The following ERICH6B variants were observed in gnomAD, a reference collection of about 807,000 sequenced individuals.
The protein encoded by ERICH6B is glutamate rich 6B.
In ERICH6B, 69 loss-of-function variants were observed where a neutral mutation model predicts 80.0. The ratio of observed to expected loss-of-function variants is 0.86; its 90% CI spans 0.71 to 1.05. The LOEUF (loss-of-function observed/expected upper bound fraction) is 1.05, where lower values mean the gene tolerates loss of function less well. Among genes scored for constraint, ERICH6B ranks in the 50% least tolerant of loss-of-function variants. The pLI is 0.00. For missense variants in ERICH6B, 754 were observed against 796.1 expected (o/e 0.95, Z 0.64); for synonymous variants, 283 against 291.9 (o/e 0.97, Z 0.31).
chr13:45,570,281 T>A (rs3014920), intron 8 of ERICH6B, among the ~76,000 whole-genome samples: 17,780 of 152,004 alleles, frequency 0.12, 3,071 homozygotes, highest in African/African-American at 0.37. Flanking sequence ...GCAAGGTTTG[T>A]GATGCATAAG....
Position 45,590,669 on chromosome 13 carries a change from G to A in ERICH6B, c.666C>T (p.Thr222=). ...GTTACCTTGCATCACGAAGAAGCAT[G>A]GTTTGTGATGAATAACTTGCCTTGG... ...KEPKASYSSQ[T]MLLRDARSPD... Residue 222 remains threonine, a synonymous_variant, in exon 4 of 15, where the codon ACC becomes ACT. Coordinates refer to ENST00000298738, the MANE Select transcript of ERICH6B (RefSeq NM_182542.3). The A allele has an allele frequency of 6.4e-7, 1 of 1,551,534 alleles. No homozygotes were observed. The highest frequency in any genetic ancestry group is 8.7e-7 in the Non-Finnish European group (1 of 1,146,940).
At chr13:45,580,866 T>C (rs1050335781) in intron 5 of ERICH6B, among the ~76,000 whole-genome samples, 3 of 152,250 alleles carry the variant, frequency 2.0e-5, no homozygotes, top group East Asian at 1.9e-4. Flanking sequence ...GGTAAATCAC[T>C]CTAGGATTGC....
chr13:45,564,626 C>T (rs367569162), intron 9 of ERICH6B, among the ~76,000 whole-genome samples: 93 of 152,288 alleles, frequency 6.1e-4, no homozygotes, highest in Non-Finnish European at 1.1e-3. Context: ...CTTATTCGTA[C>T]CCTAGAAGCA....
At chr13:45,581,643 C>T (rs939501780) in intron 5 of ERICH6B, among the ~76,000 whole-genome samples, 2 of 152,224 alleles carry the variant, frequency 1.3e-5, no homozygotes, top group Non-Finnish European at 2.9e-5. Flanking sequence ...TCCCAAAGTG[C>T]TGGGATTACA....
chr13:45,614,508 A>G lies in ERICH6B; in HGVS notation c.-111+1177T>C, dbSNP rs1296841895. ...ACCACAAATGAAATTTCTGGTTTGG[A>G]CTTTTCAGCCCCCATCACTTCACTT... On this transcript the variant is annotated intron_variant, in intron 1 of 14. Transcript: ENST00000298738. Among the ~76,000 whole-genome samples, 3 of 152,268 alleles carry G rather than the reference A, an allele frequency of 2.0e-5. No individual in the cohort carries two copies. The East Asian group carries it at 5.8e-4, about 29-fold the overall frequency.
At chr13:45,582,574 C>G (rs1348524958) in intron 5 of ERICH6B, among the ~76,000 whole-genome samples, 1 of 152,166 alleles carries the variant, frequency 6.6e-6, no homozygotes, top group African/African-American at 2.4e-5. Flanking sequence ...TTCAGGGCAT[C>G]TACAAATATA....
chr13:45,581,784 A>G (rs1488807390), intron 5 of ERICH6B, among the ~76,000 whole-genome samples: 2 of 152,206 alleles, frequency 1.3e-5, no homozygotes, highest in African/African-American at 4.8e-5. Flanking sequence ...CAGGGTACAA[A>G]AACAAAAACT....
chr13:45,549,494 A>G (rs929283772), intron 13 of ERICH6B, among the ~76,000 whole-genome samples: 2 of 152,210 alleles, frequency 1.3e-5, no homozygotes, highest in African/African-American at 2.4e-5. Flanking sequence ...AATATTTAGA[A>G]GTCACGTTTT....
chr13:45,558,959 G>A (rs910573201), intron 11 of ERICH6B, among the ~76,000 whole-genome samples: 1 of 152,174 alleles, frequency 6.6e-6, no homozygotes, highest in Admixed American at 6.5e-5. Flanking sequence ...AATGATTAAG[G>A]GAGGATTCCC....
intron 13 of ERICH6B, among the ~76,000 whole-genome samples, chr13:45,547,358 G>C (rs1874034227): frequency 1.3e-5 from 2 of 152,120 alleles, no homozygotes; most frequent in African/African-American, 2.4e-5. Flanking sequence ...CACTGAGATG[G>C]GCAGGCTGGT....
chr13:45,579,134 T>C (rs1875546879), intron 7 of ERICH6B, among the ~76,000 whole-genome samples: 1 of 152,234 alleles, frequency 6.6e-6, no homozygotes, highest in Non-Finnish European at 1.5e-5. Flanking sequence ...ACATTAAAGT[T>C]TGAACATCGT....
At chr13:45,578,599 T>C (rs1875522550) in intron 7 of ERICH6B, among the ~76,000 whole-genome samples, 1 of 152,236 alleles carries the variant, frequency 6.6e-6, no homozygotes, top group Admixed American at 6.5e-5. Flanking sequence ...AACTCAATCC[T>C]GTTTTTACCT....
chr13:45,562,079 C>T lies in ERICH6B; in HGVS notation c.1250-553G>A, dbSNP rs935999371. ...CACCAATGACTGATTGACTGATTGA[C>T]TGAGACAGAATCTTGCTCTGTCGCC... On this transcript the variant is annotated intron_variant, in intron 10 of 14. Transcript: ENST00000298738. Among the ~76,000 whole-genome samples, 4 of 152,342 alleles carry T rather than the reference C, an allele frequency of 2.6e-5. No homozygotes were observed. In the East Asian group the frequency reaches 7.7e-4, roughly 29 times the overall value.
Position 45,574,929 on chromosome 13 carries a change from G to A in ERICH6B, c.963C>T (p.Val321=). ...AGTTCTCTTTAGAAGCAAACTCCAGGACTTTCGATTTTGGAAGGAGCGTCG... is the reference window on the plus strand; with the variant it reads ...AGTTCTCTTTAGAAGCAAACTCCAGAACTTTCGATTTTGGAAGGAGCGTCG... ...TKVQQKKEEN[V]LEFASKENFW... The change falls in exon 8 of 15, where the codon GTC becomes GTT. Residue 321 remains valine, a splice_region_variant and synonymous_variant. Transcript: ENST00000298738. 2 of 1,550,282 alleles carry A rather than the reference G, an allele frequency of 1.3e-6. No individual in the cohort carries two copies. The highest frequency in any genetic ancestry group is 3.3e-4 in the Middle Eastern group (2 of 5,990).
intron 4 of ERICH6B, among the ~76,000 whole-genome samples, chr13:45,589,380 A>T (rs1275963935): frequency 6.6e-6 from 1 of 152,218 alleles, no homozygotes; most frequent in Non-Finnish European, 1.5e-5. Flanking sequence ...AAAGCTGACC[A>T]GGAATCCTGA....
chr13:45,563,642 T>A (rs1285317166), intron 10 of ERICH6B, 85 bp downstream of exon 10: 1 of 1,258,518 alleles, frequency 7.9e-7, no homozygotes, highest in Non-Finnish European at 1.1e-6. Context: ...TTCCACCTTC[T>A]TTACAGTACA....
chr13:45,550,510 G>A (rs1024650110), intron 11 of ERICH6B, among the ~76,000 whole-genome samples, 194 bp from the exon 12 acceptor site: 12 of 152,162 alleles, frequency 7.9e-5, no homozygotes, highest in African/African-American at 4.8e-5. Context: ...CTGTGTGTGT[G>A]TGTAGATTTT....
chr13:45,586,492 G>A (rs1243122292), intron 5 of ERICH6B, among the ~76,000 whole-genome samples: 1 of 152,156 alleles, frequency 6.6e-6, no homozygotes, highest in African/African-American at 2.4e-5. Context: ...GGTAGAGAAT[G>A]AAGACCCTTA....
intron 12 of ERICH6B, 58 bp downstream of exon 12, chr13:45,550,173 T>C (rs1282022664): frequency 1.3e-6 from 2 of 1,536,906 alleles, no homozygotes; most frequent in Non-Finnish European, 8.8e-7. Context: ...TAAAAAATCG[T>C]AGACATTTTA....
Sources: gnomAD v4.1 joint callset for allele counts (sites outside exome capture counted in the v4.1 genomes callset) on GRCh38, gnomAD v4.1.1 for gene constraint, MANE v1.5 for transcripts, NCBI Gene and HGNC (gene_info 2026-07-23, HGNC 2026-07-21) for gene names.